Variants in MPIG6B observed in about 807,000 individuals in gnomAD.
MPIG6B encodes immunoglobulin receptor.
In MPIG6B, 22 loss-of-function variants were observed where a neutral mutation model predicts 24.2. That is an observed-to-expected ratio of 0.91 (90% CI 0.65 to 1.30). The LOEUF is 1.30. Ranked by LOEUF, MPIG6B falls within the 50% of genes most tolerant of loss-of-function variation. The pLI is 0.00. For missense variants in MPIG6B, 301 were observed against 318.5 expected (o/e 0.94, Z 0.42); for synonymous variants, 136 against 142.0 (o/e 0.96, Z 0.30).
At chr6:31,724,070 G>A (rs1807108381) in intron 2 of MPIG6B, 72 bp from the exon 3 acceptor site, 5 of 1,573,894 alleles carry the variant, frequency 3.2e-6, no homozygotes, top group Admixed American at 1.7e-5. Context: ...GGGGGTTCTT[G>A]AGCGGGACTG....
In MPIG6B at chr6:31,723,844, T is replaced by C. The variant is rs34547016; in HGVS notation, c.267T>C (p.Ser89=). The C allele has an allele frequency of 1.1e-4, 183 of 1,610,780 alleles. No homozygotes were observed. In the African/African-American group the frequency reaches 2.2e-3, roughly 19 times the overall value. ...TCGGCCGCCTACGCTCCCTGGACTC[T>C]GGTATCCGGCGGCTGGAGCTCCTCT... is the stretch of plus-strand genomic sequence containing the variant. ...PFVGRLRSLD[S]GIRRLELLLS... Residue 89 remains serine (S), a synonymous_variant, in exon 2 of 6, where the codon TCT becomes TCC. Coordinates refer to ENST00000649779, the MANE Select transcript of MPIG6B (RefSeq NM_138272.3). This position sits in a 1 kb window ranked among gnomAD's most constrained non-coding sequence, Gnocchi z 4.3.
chr6:31,723,074 C>T, upstream of MPIG6B: 1 of 473,086 alleles, frequency 2.1e-6, no homozygotes, highest in Non-Finnish European at 3.9e-6. This position sits in a 1 kb window ranked among gnomAD's most constrained non-coding sequence, Gnocchi z 4.3. Flanking sequence ...CCTCGACCTC[C>T]TGAGCTCAAG....
Position 31,725,325 on chromosome 6 carries a change from A to T in MPIG6B, c.*251A>T. On this transcript the variant is annotated 3_prime_UTR_variant, in exon 6 of 6. Transcript: ENST00000649779. This position sits in a 1 kb window ranked among gnomAD's most constrained non-coding sequence, Gnocchi z 5.2. ...TCCTCTCTATACCCAATCAAGCCCTAGCTCCTTTTTTTTTTTTTTTTGAGA... is the reference window on the plus strand; with the variant it reads ...TCCTCTCTATACCCAATCAAGCCCTTGCTCCTTTTTTTTTTTTTTTTGAGA... 1 of 449,160 alleles carries T rather than the reference A, an allele frequency of 2.2e-6. No homozygotes were observed. Among genetic ancestry groups the T allele is most frequent in the South Asian group, 4.1e-5 (1 of 24,466 alleles). 27.8% of individuals were successfully genotyped at this position (449,160 alleles called of 1,614,324 possible). A position where few individuals can be genotyped will look rare whatever the true frequency, so the allele number is the denominator to read the frequency against.
chr6:31,723,944 C>T lies in MPIG6B; in HGVS notation c.367C>T (p.Leu123=), dbSNP rs756580795. 1.3e-6 allele frequency: 2 copies of T among 1,567,954 alleles called. No homozygotes were observed. The highest frequency in any genetic ancestry group is 1.7e-6 in the Non-Finnish European group (2 of 1,155,486). The change falls in exon 2 of 6, where the codon CTG becomes TTG. Residue 123 remains leucine, a synonymous_variant. Coordinates refer to ENST00000649779, the MANE Select transcript of MPIG6B (RefSeq NM_138272.3). The surrounding 1 kb of genome is among the most constrained non-coding windows in gnomAD (Gnocchi z 4.3). The part of the protein sequence containing the change: ...EDESRTVLHV[L]GDRTYCKAPG... ...CGAGAGCCGTACAGTGCTTCACGTG[C>T]TGGGGGACAGGACCTATTGCAAGGC...
upstream of MPIG6B, chr6:31,723,271 A>C: frequency 1.6e-6 from 1 of 622,446 alleles, no homozygotes. The surrounding 1 kb of genome is among the most constrained non-coding windows in gnomAD (Gnocchi z 4.3). Flanking sequence ...CCCCTCTCTT[A>C]TCGGAGCCCC....
chr6:31,724,202 G>C lies in MPIG6B; in HGVS notation c.470G>C (p.Gly157Ala). 1 of 1,613,226 alleles carries C rather than the reference G, an allele frequency of 6.2e-7. No individual in the cohort carries two copies. Among genetic ancestry groups the C allele is most frequent in the Non-Finnish European group, 8.5e-7 (1 of 1,179,930 alleles). Residue 157 changes from glycine to alanine, a missense_variant, in exon 3 of 6, where the codon GGA becomes GCA. Physicochemically the swap from Gly to Ala is moderately conservative, Grantham distance 60. Coordinates refer to ENST00000649779, the MANE Select transcript of MPIG6B (RefSeq NM_138272.3). ...LLGAGLVLGL[G>A]ALGLVWWLHR... ...GGCGCTGGGTTGGTGCTCGGACTGG[G>C]AGCTTTGGGCCTGGTCTGGTGGCTG...
In MPIG6B at chr6:31,725,045, G is replaced by A; in HGVS notation, c.697G>A (p.Ala233Thr). The A allele has an allele frequency of 3.7e-6, 6 of 1,613,522 alleles. No individual in the cohort carries two copies. Among genetic ancestry groups the A allele is most frequent in the Non-Finnish European group, 5.1e-6 (6 of 1,179,924 alleles). Reference sequence around the variant, plus strand: ...GCTGTCCACAGCGGACCCTGCTGATGCCTCCACCATCTATGCAGTTGTAGT... The same window carrying A: ...GCTGTCCACAGCGGACCCTGCTGATACCTCCACCATCTATGCAGTTGTAGT... ...RRLSTADPAD[A>T]STIYAVVV The change falls in exon 6 of 6, where the codon GCC (alanine) becomes ACC (threonine). Residue 233 changes from alanine (A) to threonine (T), a missense_variant. Physicochemically the swap from Ala to Thr is moderately conservative, Grantham distance 58. Transcript: ENST00000649779. The surrounding 1 kb of genome is among the most constrained non-coding windows in gnomAD (Gnocchi z 5.2).
chr6:31,724,659 C>G, intron 4 of MPIG6B, 32 bp downstream of exon 4: 1 of 1,610,652 alleles, frequency 6.2e-7, no homozygotes, highest in South Asian at 1.1e-5. Context: ...TTTCTTTCTC[C>G]TACATGCCCA....
chr6:31,723,659 G>T lies in MPIG6B; in HGVS notation c.82G>T (p.Gly28Trp). The T allele has an allele frequency of 6.3e-7, 1 of 1,578,970 alleles. No homozygotes were observed. Among genetic ancestry groups the T allele is most frequent in the South Asian group, 1.1e-5 (1 of 87,592 alleles). ...NPGASLDGRPGDRVNLSCGGV... is the reference protein window; with the variant it reads ...NPGASLDGRPWDRVNLSCGGV... ...CCTAGCTTCTCTGGACGGCCGCCCT[G>T]GGGACCGGGTGAATCTCTCCTGCGG... The change falls in exon 2 of 6, where the codon GGG becomes TGG. Residue 28 changes from glycine to tryptophan, a missense_variant. Physicochemically the swap from Gly to Trp is radical, Grantham distance 184. Coordinates refer to ENST00000649779, the MANE Select transcript of MPIG6B (RefSeq NM_138272.3). This position sits in a 1 kb window ranked among gnomAD's most constrained non-coding sequence, Gnocchi z 4.3.
In MPIG6B at chr6:31,725,066, G is replaced by T. The variant is rs1807237024; in HGVS notation, c.718G>T (p.Val240Leu). 1.2e-6 allele frequency: 2 copies of T among 1,612,274 alleles called. No individual in the cohort carries two copies. The highest frequency in any genetic ancestry group is 1.7e-6 in the Non-Finnish European group (2 of 1,179,182). ...PADASTIYAV[V>L]V ...TGATGCCTCCACCATCTATGCAGTTGTAGTTTGAAGGGAAGCCCTTACTCC... is the reference window on the plus strand; with the variant it reads ...TGATGCCTCCACCATCTATGCAGTTTTAGTTTGAAGGGAAGCCCTTACTCC... Residue 240 changes from valine (V) to leucine (L), a missense_variant, in exon 6 of 6, where the codon GTA (valine) becomes TTA (leucine). Val to Leu is a conservative substitution (Grantham distance 32, BLOSUM62 1). Coordinates refer to ENST00000649779, the MANE Select transcript of MPIG6B (RefSeq NM_138272.3). The surrounding 1 kb of genome is among the most constrained non-coding windows in gnomAD (Gnocchi z 5.2).
chr6:31,721,635 C>T, upstream of MPIG6B: 11 of 1,613,572 alleles, frequency 6.8e-6, no homozygotes, highest in Non-Finnish European at 9.3e-6. Flanking sequence ...CACCTGAGAC[C>T]CAGCAGAGCA....
At chr6:31,722,711 C>T (rs1583814878), upstream of MPIG6B, among the ~76,000 whole-genome samples, 2 of 72,092 alleles carry the variant, frequency 2.8e-5, no homozygotes, top group South Asian at 8.2e-4. Context: ...AAAAATTAGT[C>T]AGGTGTGGTG....
chr6:31,723,610 C>A lies in MPIG6B; in HGVS notation c.62-29C>A. 1 of 1,519,298 alleles carries A rather than the reference C, an allele frequency of 6.6e-7. No homozygotes were observed. The allele number at this position is 1,519,298 out of a possible 1,614,324, so 94.1% of individuals were successfully genotyped here. ...AGGGTCGTCTTGCCCTGTGGACGTG[C>A]CCTAACCACAGCCTCCGGCCTCTCC... On this transcript the variant is annotated intron_variant, in intron 1 of 5. Coordinates refer to ENST00000649779, the MANE Select transcript of MPIG6B (RefSeq NM_138272.3). This position sits in a 1 kb window ranked among gnomAD's most constrained non-coding sequence, Gnocchi z 4.3.
At chr6:31,724,409 A>G in intron 3 of MPIG6B, 177 bp downstream of exon 3, 1 of 748,290 alleles carries the variant, frequency 1.3e-6, no homozygotes, top group Non-Finnish European at 2.3e-6. Flanking sequence ...GCCCCACCAG[A>G]GCAGATGAGC....
In MPIG6B at chr6:31,724,005, G is replaced by C. The variant is rs1456821454; in HGVS notation, c.409+19G>C. ...ACCCATGGTAGGTGCAGGCCTGTGC[G>C]CACAAGGGTACTTAACTCCGACACA... On this transcript the variant is annotated intron_variant, in intron 2 of 5. Coordinates refer to ENST00000649779, the MANE Select transcript of MPIG6B (RefSeq NM_138272.3). 1.3e-6 allele frequency: 2 copies of C among 1,558,912 alleles called. No individual in the cohort carries two copies.
chr6:31,723,240 C>T, upstream of MPIG6B: 4 of 713,364 alleles, frequency 5.6e-6, no homozygotes, highest in Non-Finnish European at 1.0e-5. The surrounding 1 kb of genome is among the most constrained non-coding windows in gnomAD (Gnocchi z 4.3). Flanking sequence ...CCAAAGGGAT[C>T]TGGGCAGCTG....
At position 31,723,543 on chromosome 6, in the gene MPIG6B, GC is replaced by G; in HGVS notation, c.62-95del. The G allele has an allele frequency of 7.0e-7, 1 of 1,436,546 alleles. No homozygotes were observed. The highest frequency in any genetic ancestry group is 1.2e-5 in the South Asian group (1 of 83,082). The allele number at this position is 1,436,546 out of a possible 1,614,324, so 89.0% of individuals were successfully genotyped here. A position where few individuals can be genotyped will look rare whatever the true frequency, so the allele number is the denominator to read the frequency against. On this transcript the variant is annotated intron_variant, in intron 1 of 5. Coordinates refer to ENST00000649779, the MANE Select transcript of MPIG6B (RefSeq NM_138272.3). The surrounding 1 kb of genome is among the most constrained non-coding windows in gnomAD (Gnocchi z 4.3). ...GTTGTGTGTGGGAAGATCCAGGATG[GC>G]TGGAGTGCAGAACAGAGAAGAGAAA...
chr6:31,725,174 G>A lies in MPIG6B; in HGVS notation c.*100G>A, dbSNP rs1807250697. On this transcript the variant is annotated 3_prime_UTR_variant, in exon 6 of 6. Transcript: ENST00000649779. This position sits in a 1 kb window ranked among gnomAD's most constrained non-coding sequence, Gnocchi z 5.2. ...CTCACCTGGAAGAGGAAGGCACCAT[G>A]GTATAGAAATAAGTGCTAGACTGGG... The A allele has an allele frequency of 1.2e-6, 1 of 844,756 alleles. No homozygotes were observed. The highest frequency in any genetic ancestry group is 1.9e-6 in the Non-Finnish European group (1 of 521,542). The allele number at this position is 844,756 out of a possible 1,614,324, so 52.3% of individuals were successfully genotyped here. A position where few individuals can be genotyped will look rare whatever the true frequency, so the allele number is the denominator to read the frequency against.
upstream of MPIG6B, chr6:31,721,528 G>T (rs1583810610): frequency 1.4e-5 from 15 of 1,110,172 alleles, no homozygotes; most frequent in Non-Finnish European, 2.0e-5. Context: ...GGCTGGGGGT[G>T]TTGGGATCCC....
Sources: allele counts gnomAD v4.1 joint callset (sites outside exome capture counted in the v4.1 genomes callset), GRCh38; gene constraint gnomAD v4.1.1; non-coding constraint Gnocchi (gnomAD v3.1); transcripts MANE v1.5; gene names NCBI Gene and HGNC (gene_info 2026-07-23, HGNC 2026-07-21).